The following CUEDC1 variants were observed in gnomAD, a reference collection of about 807,000 sequenced individuals.
CUEDC1 encodes CUE domain-containing protein 1.
In CUEDC1, 30 loss-of-function variants were observed where a neutral mutation model predicts 43.7. The observed-to-expected ratio is 0.69, with a 90% CI of 0.51 to 0.93. CUEDC1 has a LOEUF of 0.93. CUEDC1 is among the 40% of genes least tolerant of loss of function. The pLI, the probability that CUEDC1 is intolerant of heterozygous loss-of-function variation, is 0.00. For missense variants in CUEDC1, 486 were observed against 549.0 expected (o/e 0.89, Z 1.15); for synonymous variants, 223 against 223.6 (o/e 1.00, Z 0.02).
At chr17:57,869,070 G>T in intron 7 of CUEDC1, 52 bp downstream of exon 7, 1 of 1,589,866 alleles carries the variant, frequency 6.3e-7, no homozygotes, top group South Asian at 1.1e-5. Flanking sequence ...GGAGGCCACA[G>T]GGCCTGTCTC....
At chr17:57,869,796 C>T (rs2074010604) in intron 6 of CUEDC1, 1 of 152,978 alleles carries the variant, frequency 6.5e-6, no homozygotes, top group East Asian at 1.9e-4. Context: ...ACCGGCCACC[C>T]AGAGTCTCCC....
Position 57,901,323 on chromosome 17 carries a change from CT to C in CUEDC1, c.-315-15445del, listed in dbSNP as rs527583518. Among the ~76,000 whole-genome samples the C allele has an allele frequency of 2.6e-5, 4 of 152,364 alleles. No homozygotes were observed. In the East Asian group the frequency reaches 7.7e-4, roughly 29 times the overall value. Reference sequence around the variant, plus strand: ...AGGTATACAAACTGACTTTCACAGACTGCTTGGTCCCTGTAGCAGCCAGCGC... The same window carrying C: ...AGGTATACAAACTGACTTTCACAGACGCTTGGTCCCTGTAGCAGCCAGCGC... On this transcript the variant is annotated intron_variant, in intron 1 of 10. Coordinates refer to ENST00000577830, the MANE Select transcript of CUEDC1 (RefSeq NM_001271875.2).
Position 57,885,489 on chromosome 17 carries a change from C to T in CUEDC1, c.76G>A (p.Gly26Ser). ...TTGAGCTCCTGGGGGGCGGCCGTGC[C>T]TCCCCCGCCCCCGCGTGCCCCGGCG... ...GTAGARGGGG[G>S]TAAPQELNNS... Residue 26 changes from glycine to serine, a missense_variant, in exon 2 of 11, where the codon GGC becomes AGC. Physicochemically the swap from Gly to Ser is moderately conservative, Grantham distance 56. Transcript: ENST00000577830. The T allele has an allele frequency of 6.5e-7, 1 of 1,546,032 alleles. No individual in the cohort carries two copies. Among genetic ancestry groups the T allele is most frequent in the Non-Finnish European group, 8.7e-7 (1 of 1,152,174 alleles).
At chr17:57,940,253 TA>T (rs57921791) in intron 1 of CUEDC1, among the ~76,000 whole-genome samples, 15,516 of 138,886 alleles carry the variant, frequency 0.11, 1,560 homozygotes, top group African/African-American at 0.28. Flanking sequence ...TGTCAGTGTT[TA>T]AAAAAAAAAA....
At position 57,872,820 on chromosome 17, in the gene CUEDC1, C is replaced by T. The variant is rs779543345; in HGVS notation, c.627G>A (p.Glu209=). The part of the protein sequence containing the change: ...NAGGPKPGSG[E]GCPPAMAGPG... ...GCCCAGCCATGGCAGGTGGACATCCCTCTCCACTCCCAGGCTTGGGGCCCC... is the reference window on the plus strand; with the variant it reads ...GCCCAGCCATGGCAGGTGGACATCCTTCTCCACTCCCAGGCTTGGGGCCCC... Residue 209 remains glutamate (E), a synonymous_variant, in exon 5 of 11, where the codon GAG becomes GAA. Coordinates refer to ENST00000577830, the MANE Select transcript of CUEDC1 (RefSeq NM_001271875.2). The T allele has an allele frequency of 4.3e-6, 7 of 1,613,964 alleles. No individual in the cohort carries two copies. In the South Asian group the frequency reaches 7.7e-5, roughly 18 times the overall value.
chr17:57,864,444 C>A (rs533204131), intron 10 of CUEDC1, among the ~76,000 whole-genome samples: 4 of 151,928 alleles, frequency 2.6e-5, no homozygotes, highest in South Asian at 4.2e-4. Flanking sequence ...AGGGAGTGGG[C>A]GGAGCAACAG....
At chr17:57,919,048 T>A (rs1473615777) in intron 1 of CUEDC1, among the ~76,000 whole-genome samples, 1 of 151,510 alleles carries the variant, frequency 6.6e-6, no homozygotes, top group Non-Finnish European at 1.5e-5. Flanking sequence ...AGACAGGGTT[T>A]CTCCATGTGG....
At chr17:57,903,481 G>A (rs1042621582) in intron 1 of CUEDC1, 1 of 152,368 alleles carries the variant, frequency 6.6e-6, no homozygotes, top group Non-Finnish European at 1.5e-5. Context: ...TAGGAGGGTG[G>A]GGCAGGCTCA....
At chr17:57,947,802 CATAA>C (rs1423415215) in intron 1 of CUEDC1, among the ~76,000 whole-genome samples, 1 of 151,774 alleles carries the variant, frequency 6.6e-6, no homozygotes, top group Non-Finnish European at 1.5e-5. Flanking sequence ...GACCCTGTCT[CATAA>C]ATAAATAAAT....
intron 1 of CUEDC1, chr17:57,914,905 T>A (rs2074622144): frequency 6.6e-6 from 1 of 152,252 alleles, no homozygotes; most frequent in Admixed American, 6.5e-5. Flanking sequence ...GCTAGTGTAA[T>A]TGAAAATGAA....
intron 1 of CUEDC1, among the ~76,000 whole-genome samples, chr17:57,951,079 T>C (rs1171681945): frequency 7.0e-6 from 1 of 143,214 alleles, no homozygotes; most frequent in Non-Finnish European, 1.5e-5. Context: ...CGGTCCTCTC[T>C]GCTCATCATT....
intron 1 of CUEDC1, among the ~76,000 whole-genome samples, chr17:57,923,979 C>T (rs2074721184): frequency 1.3e-5 from 2 of 152,096 alleles, no homozygotes; most frequent in South Asian, 4.1e-4. Flanking sequence ...CTTCCTACTT[C>T]TACTTTTTTT....
At position 57,873,634 on chromosome 17, in the gene CUEDC1, T is replaced by G. The variant is rs540482038; in HGVS notation, c.548A>C (p.Asp183Ala). 1.9e-6 allele frequency: 3 copies of G among 1,604,008 alleles called. No homozygotes were observed. The highest frequency in any genetic ancestry group is 3.4e-5 in the Admixed American group (2 of 58,662). ...CTGGGGCAGGATGCGGAGAAAGTCATCCGGAAGGTTGCCCAGCAGTGGTGG... is the reference window on the plus strand; with the variant it reads ...CTGGGGCAGGATGCGGAGAAAGTCAGCCGGAAGGTTGCCCAGCAGTGGTGG... The part of the protein sequence containing the change: ...WNPPLLGNLP[D>A]DFLRILPQQL... Residue 183 changes from aspartate to alanine, a missense_variant, in exon 4 of 11, where the codon GAT becomes GCT. By Grantham distance (126) the Asp-to-Ala change is moderately radical. Transcript: ENST00000577830.
intron 2 of CUEDC1, among the ~76,000 whole-genome samples, chr17:57,884,192 CTTTTTTTT>C (rs780667346): frequency 1.2e-5 from 1 of 81,360 alleles, no homozygotes. Flanking sequence ...TTTTTCTTTT[CTTTTTTTT>C]TTTTTTTTTT....
intron 8 of CUEDC1, chr17:57,867,777 G>C (rs1279605509): frequency 6.2e-6 from 3 of 485,328 alleles, no homozygotes; most frequent in Non-Finnish European, 1.1e-5. Context: ...AACATGCTTG[G>C]AGTGAGGAGG....
At position 57,862,360 on chromosome 17, in the gene CUEDC1, A is replaced by C; in HGVS notation, c.*929T>G. ...TTGCTCTTTAGCCCTGCACCTGCTCAAAGGGGTCACTCCAGGACCCACCGC... is the reference window on the plus strand; with the variant it reads ...TTGCTCTTTAGCCCTGCACCTGCTCCAAGGGGTCACTCCAGGACCCACCGC... On this transcript the variant is annotated 3_prime_UTR_variant, in exon 11 of 11. Transcript: ENST00000577830. 6.6e-6 allele frequency: 1 copy of C among 152,662 alleles called. No homozygotes were observed. Among genetic ancestry groups the C allele is most frequent in the Non-Finnish European group, 1.5e-5 (1 of 68,340 alleles). 9.5% of individuals were successfully genotyped at this position (152,662 alleles called of 1,614,324 possible). A position where few individuals can be genotyped will look rare whatever the true frequency, so the allele number is the denominator to read the frequency against.
chr17:57,898,458 G>C (rs1187144958), intron 1 of CUEDC1, among the ~76,000 whole-genome samples: 1 of 152,122 alleles, frequency 6.6e-6, no homozygotes, highest in Non-Finnish European at 1.5e-5. Flanking sequence ...GCAGTCCTCT[G>C]CTTACCTCCT....
rs2073890188 is a variant in CUEDC1 at position 57,862,226 on chromosome 17, A to G, written c.*1063T>C. The G allele has an allele frequency of 6.6e-6, 1 of 152,422 alleles. No individual in the cohort carries two copies. Among genetic ancestry groups the G allele is most frequent in the Non-Finnish European group, 1.5e-5 (1 of 68,240 alleles). 9.4% of individuals were successfully genotyped at this position (152,422 alleles called of 1,614,324 possible). ...CCCGTGGCAGTGGTCAGTGCCGTGT[A>G]AGCGTTCCTAGAATCAGAGTTCTCC... On this transcript the variant is annotated 3_prime_UTR_variant, in exon 11 of 11. Transcript: ENST00000577830.
chr17:57,883,645 C>T (rs1478600268), intron 2 of CUEDC1, among the ~76,000 whole-genome samples: 1 of 152,072 alleles, frequency 6.6e-6, no homozygotes, highest in Admixed American at 6.6e-5. Flanking sequence ...ATCGCTTGAA[C>T]CTGGGAGGTG....
Sources: allele counts gnomAD v4.1 joint callset (sites outside exome capture counted in the v4.1 genomes callset), GRCh38; gene constraint gnomAD v4.1.1; transcripts MANE v1.5; gene names NCBI Gene and HGNC (gene_info 2026-07-23, HGNC 2026-07-21).